DPP6: variants seen among roughly 807,000 people sequenced by gnomAD.
DPP6 encodes A-type potassium channel modulatory protein DPP6.
Under a neutral mutation model 122.6 loss-of-function variants are expected in DPP6, and 69 were observed. The ratio of observed to expected loss-of-function variants is 0.56; its 90% CI spans 0.46 to 0.69. The LOEUF is 0.69. Ranked by LOEUF, DPP6 falls within the 30% of genes least tolerant of loss-of-function variation. DPP6 has a pLI of 0.00. For missense variants in DPP6, 928 were observed against 1,116.9 expected (o/e 0.83, Z 2.41); for synonymous variants, 418 against 433.1 (o/e 0.97, Z 0.43).
At chr7:154,376,653 G>A (rs970765257) in intron 1 of DPP6, among the ~76,000 whole-genome samples, 2 of 152,160 alleles carry the variant, frequency 1.3e-5, no homozygotes, top group Non-Finnish European at 2.9e-5. Flanking sequence ...CTGGTTAATT[G>A]ACTTGCAATG....
chr7:153,813,770 T>C, the DPP6 span, among the ~76,000 whole-genome samples: 2 of 151,826 alleles, frequency 1.3e-5, no homozygotes, highest in African/African-American at 4.8e-5. Context: ...ATTTCTCTGA[T>C]GGCCAGTGAT....
chr7:154,045,218 C>T (rs1354199712), intron 1 of DPP6, among the ~76,000 whole-genome samples: 1 of 145,156 alleles, frequency 6.9e-6, no homozygotes. Context: ...AAAAAAAACA[C>T]TCCCTCCCTC....
At chr7:154,466,587 A>T (rs1821806326) in intron 2 of DPP6, among the ~76,000 whole-genome samples, 1 of 152,204 alleles carries the variant, frequency 6.6e-6, no homozygotes, top group Admixed American at 6.5e-5. Flanking sequence ...CAGTAGTCCT[A>T]CCAGATTAGA....
intron 1 of DPP6, among the ~76,000 whole-genome samples, chr7:154,079,461 C>T (rs3864481): frequency 0.96 from 146,030 of 152,290 alleles, 70,273 homozygotes; most frequent in East Asian, 1. Context: ...AGGGAAGAGA[C>T]TCACCCCGAA....
chr7:154,138,327 A>G (rs1321578722), intron 1 of DPP6, among the ~76,000 whole-genome samples: 1 of 152,218 alleles, frequency 6.6e-6, no homozygotes, highest in Non-Finnish European at 1.5e-5. Flanking sequence ...GAAATAGCAA[A>G]TTAGAGAATG....
intron 5 of DPP6, among the ~76,000 whole-genome samples, chr7:154,574,185 CGT>C (rs1369342446): frequency 5.3e-5 from 8 of 149,678 alleles, no homozygotes; most frequent in African/African-American, 9.8e-5. Flanking sequence ...TAATGCTGTG[CGT>C]GTGTGTGTGT....
chr7:154,280,627 TTAA>T (rs1257773224), intron 1 of DPP6, among the ~76,000 whole-genome samples: 11 of 152,340 alleles, frequency 7.2e-5, no homozygotes, highest in African/African-American at 2.6e-4. Flanking sequence ...TTGGATTTAA[TTAA>T]TAATAGTAAT....
chr7:154,014,918 T>C (rs1317783905), intron 1 of DPP6, among the ~76,000 whole-genome samples: 1 of 152,064 alleles, frequency 6.6e-6, no homozygotes, highest in East Asian at 1.9e-4. Flanking sequence ...TGCTTGATAA[T>C]GATGGATACT....
At chr7:154,600,039 A>G (rs935256526) in intron 5 of DPP6, among the ~76,000 whole-genome samples, 11 of 152,102 alleles carry the variant, frequency 7.2e-5, no homozygotes, top group Non-Finnish European at 1.6e-4. Context: ...AGTCCCAAAT[A>G]AAGCTATCCT....
Position 153,957,899 on chromosome 7 carries a change from C to A in DPP6, c.51+70165C>A, listed in dbSNP as rs375225191. On this transcript the variant is annotated intron_variant, in intron 1 of 25. Transcript: ENST00000404039. ...GAAAAATTGCTCGGGCGCGGTGGCT[C>A]ACACCTGTAATCCCAGCACTTGGGG... Among the ~76,000 whole-genome samples, 3 of 152,254 alleles carry A rather than the reference C, an allele frequency of 2.0e-5. No individual in the cohort carries two copies. The East Asian group carries it at 5.8e-4, about 30-fold the overall frequency.
chr7:154,777,949 T>C (rs955928043), intron 10 of DPP6, among the ~76,000 whole-genome samples: 4 of 152,212 alleles, frequency 2.6e-5, no homozygotes, highest in Admixed American at 2.6e-4. Context: ...AGGATTTAGA[T>C]GCTGTGCAGC....
chr7:154,431,702 T>C (rs1408564400), intron 1 of DPP6, among the ~76,000 whole-genome samples: 2 of 151,746 alleles, frequency 1.3e-5, no homozygotes, highest in Non-Finnish European at 2.9e-5. Context: ...GCCTGGCTAA[T>C]TTTTGTATTT....
rs1838316197 is a variant in DPP6 at position 154,668,220 on chromosome 7, A to AT, written c.681-1139dup. Among the ~76,000 whole-genome samples the AT allele has an allele frequency of 2.8e-4, 7 of 24,988 alleles. 1 individual carries two copies. The highest frequency in any genetic ancestry group is 6.1e-4 in the Non-Finnish European group (5 of 8,232). The allele number at this position is 24,988 out of a possible 152,430, so 16.4% of individuals were successfully genotyped here. ...TTTTATATATATATATATATATATA[A>AT]TATACACATTTTTTTTTCAAGACAG... On this transcript the variant is annotated intron_variant, in intron 6 of 25. Coordinates refer to ENST00000377770, the MANE Select transcript of DPP6 (RefSeq NM_130797.4).
At chr7:154,857,500 C>T (rs1238366864) in intron 17 of DPP6, among the ~76,000 whole-genome samples, 1 of 152,324 alleles carries the variant, frequency 6.6e-6, no homozygotes, top group South Asian at 2.1e-4. Flanking sequence ...CCATGGGAGG[C>T]GTGTGGGGTT....
At chr7:154,128,970 G>A (rs1309492471) in intron 1 of DPP6, among the ~76,000 whole-genome samples, 7 of 152,026 alleles carry the variant, frequency 4.6e-5, no homozygotes, top group Non-Finnish European at 2.9e-5. Context: ...AAAAGGGAAT[G>A]GTGAGTACTG....
intron 8 of DPP6, among the ~76,000 whole-genome samples, chr7:154,746,113 T>C (rs1361485059): frequency 3.3e-5 from 5 of 152,150 alleles, no homozygotes; most frequent in African/African-American, 9.7e-5. Flanking sequence ...ACATGAGTCT[T>C]CAAGAGAAGC....
chr7:154,231,484 C>T (rs777923358), intron 1 of DPP6, among the ~76,000 whole-genome samples: 1 of 152,142 alleles, frequency 6.6e-6, no homozygotes, highest in Non-Finnish European at 1.5e-5. Flanking sequence ...AGGATAACAT[C>T]GGGCATGAGA....
intron 1 of DPP6, among the ~76,000 whole-genome samples, chr7:154,073,419 C>T (rs189621620): frequency 7.2e-5 from 11 of 152,366 alleles, no homozygotes; most frequent in African/African-American, 2.2e-4. Flanking sequence ...TGCTCCTCTC[C>T]GTGGCTCTGG....
chr7:154,717,797 C>T (rs1841574825), intron 7 of DPP6, among the ~76,000 whole-genome samples: 1 of 152,154 alleles, frequency 6.6e-6, no homozygotes, highest in African/African-American at 2.4e-5. Context: ...TATAGTAGCT[C>T]TATTTTTCAT....
Sources: gnomAD v4.1 joint callset for allele counts (sites outside exome capture counted in the v4.1 genomes callset) on GRCh38, gnomAD v4.1.1 for gene constraint, MANE v1.5 for transcripts, NCBI Gene and HGNC (gene_info 2026-07-23, HGNC 2026-07-21) for gene names.